The following RXFP1 variants were observed in gnomAD, a reference collection of about 807,000 sequenced individuals.
RXFP1 encodes relaxin family peptide receptor 1.
A neutral mutation model predicts 89.8 loss-of-function variants in RXFP1; 73 were observed. The observed-to-expected ratio is 0.81, with a 90% CI of 0.67 to 0.99. The LOEUF is 0.99. Ranked by LOEUF, RXFP1 falls within the 50% of genes least tolerant of loss-of-function variation. The pLI is 0.00. For missense variants in RXFP1, 793 were observed against 895.5 expected (o/e 0.89, Z 1.46); for synonymous variants, 277 against 305.5 (o/e 0.91, Z 0.97).
At chr4:158,615,586 CA>C (rs1383258085) in intron 8 of RXFP1, among the ~76,000 whole-genome samples, 2 of 151,254 alleles carry the variant, frequency 1.3e-5, no homozygotes, top group Non-Finnish European at 2.9e-5. Context: ...TGTGACACCA[CA>C]AAACTACTGC....
At chr4:158,604,316 C>G (rs1762202611) in intron 4 of RXFP1, among the ~76,000 whole-genome samples, 1 of 152,212 alleles carries the variant, frequency 6.6e-6, no homozygotes, top group East Asian at 1.9e-4. Context: ...ATCCAAATCC[C>G]TCCTTTCACT....
At chr4:158,567,903 C>G (rs536070435) in intron 1 of RXFP1, among the ~76,000 whole-genome samples, 12 of 152,178 alleles carry the variant, frequency 7.9e-5, no homozygotes, top group African/African-American at 2.7e-4. Flanking sequence ...CTCCTTCCAG[C>G]TTGTGGTGGC....
chr4:158,606,931 T>A (rs1762640132), intron 5 of RXFP1: 1 of 745,670 alleles, frequency 1.3e-6, no homozygotes. Context: ...TTTTCTTGCA[T>A]GTTGGAGAAA....
chr4:158,626,239 G>A (rs901856897), intron 9 of RXFP1, among the ~76,000 whole-genome samples: 2 of 149,104 alleles, frequency 1.3e-5, no homozygotes, highest in East Asian at 3.8e-4. Context: ...GCAGTCTGCT[G>A]TTTGCTCTCT....
chr4:158,599,634 C>G (rs1256186919), intron 4 of RXFP1, among the ~76,000 whole-genome samples: 2 of 151,920 alleles, frequency 1.3e-5, no homozygotes, highest in African/African-American at 4.8e-5. Context: ...TATATTAACC[C>G]CTCATAATAA....
intron 1 of RXFP1, among the ~76,000 whole-genome samples, chr4:158,547,180 G>A (rs2149864609): frequency 6.6e-6 from 1 of 152,214 alleles, no homozygotes; most frequent in Middle Eastern, 3.4e-3. Flanking sequence ...AGTCTTGGGG[G>A]GGTGTATGTT....
chr4:158,573,038 C>G, intron 2 of RXFP1: 1 of 700,536 alleles, frequency 1.4e-6, no homozygotes, highest in African/African-American at 1.8e-5. Context: ...GAGACGGAGT[C>G]TCGCTCTGTT....
At chr4:158,590,388 G>A (rs376074395) in intron 2 of RXFP1, among the ~76,000 whole-genome samples, 1 of 152,250 alleles carries the variant, frequency 6.6e-6, no homozygotes, top group African/African-American at 2.4e-5. Flanking sequence ...TCAAAATCCT[G>A]ACCTCAAGTG....
At chr4:158,529,237 C>CTTTTT (rs1553989953) in intron 1 of RXFP1, among the ~76,000 whole-genome samples, 1 of 24,552 alleles carries the variant, frequency 4.1e-5, no homozygotes, top group Non-Finnish European at 2.5e-4. Context: ...TTTTTGCTTG[C>CTTTTT]TTGTTTTTTG....
intron 9 of RXFP1, among the ~76,000 whole-genome samples, chr4:158,619,649 G>A (rs1765230247): frequency 6.6e-6 from 1 of 152,058 alleles, no homozygotes; most frequent in Non-Finnish European, 1.5e-5. Flanking sequence ...AGCCCTCATT[G>A]GTAGCACAAC....
chr4:158,549,483 G>A lies in RXFP1; in HGVS notation c.50-23215G>A, dbSNP rs145823723. On this transcript the variant is annotated intron_variant, in intron 1 of 17. Transcript: ENST00000307765. Reference sequence around the variant, plus strand: ...CTCATTTTCCGTCCGGCTTTGTTCCGTTGCTAGTGAGGAGCTGCGTTCCTT... The same window carrying A: ...CTCATTTTCCGTCCGGCTTTGTTCCATTGCTAGTGAGGAGCTGCGTTCCTT... Among the ~76,000 whole-genome samples the A allele has an allele frequency of 9.7e-4, 147 of 152,234 alleles. 5 individuals carry two copies. In the East Asian group the frequency reaches 0.024, roughly 25 times the overall value.
intron 6 of RXFP1, among the ~76,000 whole-genome samples, chr4:158,608,892 T>C (rs992159512): frequency 2.0e-5 from 3 of 152,230 alleles, no homozygotes; most frequent in African/African-American, 2.4e-5. Flanking sequence ...TCATAAAATA[T>C]GTAGTTTTTT....
chr4:158,635,156 ACATAGCATGT>A (rs1768904303), intron 12 of RXFP1, among the ~76,000 whole-genome samples: 1 of 152,026 alleles, frequency 6.6e-6, no homozygotes, highest in Admixed American at 6.6e-5. Flanking sequence ...TGATCTGTGA[ACATAGCATGT>A]CTTTCCTTTC....
At chr4:158,546,505 G>C (rs1002022094) in intron 1 of RXFP1, among the ~76,000 whole-genome samples, 1 of 152,294 alleles carries the variant, frequency 6.6e-6, no homozygotes, top group South Asian at 2.1e-4. Flanking sequence ...GGAATGGTGA[G>C]AGAGGGCATC....
Position 158,537,360 on chromosome 4 carries a change from T to C in RXFP1, c.49+15335T>C, listed in dbSNP as rs540209587. ...AAACAACTAAATTTTCTTAATCTAG[T>C]TGTTTCACAGACAAAATCTGTAGTC... On this transcript the variant is annotated intron_variant, in intron 1 of 17. Coordinates refer to ENST00000307765, the MANE Select transcript of RXFP1 (RefSeq NM_021634.4). Among the ~76,000 whole-genome samples, 3 of 152,272 alleles carry C rather than the reference T, an allele frequency of 2.0e-5. No individual in the cohort carries two copies. The South Asian group carries it at 6.2e-4, about 32-fold the overall frequency.
chr4:158,573,532 T>C (rs547986677), intron 2 of RXFP1, among the ~76,000 whole-genome samples: 3 of 152,264 alleles, frequency 2.0e-5, no homozygotes, highest in South Asian at 2.1e-4. Flanking sequence ...ATCATTAATG[T>C]AAGTGTATTT....
intron 13 of RXFP1, among the ~76,000 whole-genome samples, chr4:158,638,633 T>C (rs368208493): frequency 6.6e-6 from 1 of 152,118 alleles, no homozygotes; most frequent in East Asian, 1.9e-4. Flanking sequence ...CATAGGGAGA[T>C]GCTGCCTCTA....
chr4:158,633,469 T>C lies in RXFP1; in HGVS notation c.964T>C (p.Ser322Pro). 6.3e-7 allele frequency: 1 copy of C among 1,592,674 alleles called. No individual in the cohort carries two copies. The highest frequency in any genetic ancestry group is 8.6e-7 in the Non-Finnish European group (1 of 1,165,120). Residue 322 changes from serine (S) to proline (P), a missense_variant, in exon 12 of 18, where the codon TCA becomes CCA. Ser to Pro is a moderately conservative substitution (Grantham distance 74, BLOSUM62 -1). Transcript: ENST00000307765. ...TATATTCAAGGACCTGAAGGAGCTG[T>C]CACAATTGTAAGACTGATGTTAATT... ...PLIFKDLKEL[S>P]QLNLSYNPIQ...
intron 1 of RXFP1, among the ~76,000 whole-genome samples, chr4:158,542,109 A>ATATATATATATATATATATTTTT: frequency 1.1e-3 from 38 of 35,216 alleles, no homozygotes; most frequent in Non-Finnish European, 1.4e-3. Flanking sequence ...ATATATATAT[A>ATATATATATATATATATATTTTT]TTTTTTTTTT....
Sources: gnomAD v4.1 joint callset for allele counts (sites outside exome capture counted in the v4.1 genomes callset) on GRCh38, gnomAD v4.1.1 for gene constraint, MANE v1.5 for transcripts, NCBI Gene and HGNC (gene_info 2026-07-23, HGNC 2026-07-21) for gene names.